Variants in EYS observed in about 807,000 individuals in gnomAD.
The protein encoded by EYS is protein eyes shut homolog.
A neutral mutation model predicts 282.1 loss-of-function variants in EYS; 250 were observed. That is an observed-to-expected ratio of 0.89 (90% CI 0.80 to 0.98). The LOEUF (loss-of-function observed/expected upper bound fraction) is 0.98. EYS is among the 50% of genes least tolerant of loss of function. The pLI, the probability that EYS is intolerant of heterozygous loss-of-function variation, is 0.00. For missense variants in EYS, 4,016 were observed against 3,709.0 expected, an observed-to-expected ratio of 1.08 and a Z score of -2.15; for synonymous variants, 1,355 against 1,282.9, an observed-to-expected ratio of 1.06 and a Z score of -1.20.
At chr6:64,168,216 A>T (rs559847840) in intron 31 of EYS, among the ~76,000 whole-genome samples, 1 of 152,248 alleles carries the variant, frequency 6.6e-6, no homozygotes, top group East Asian at 1.9e-4. Context: ...AGCCAAGATC[A>T]CGCCACTGCA....
At chr6:65,260,093 GGA>G (rs1767581326) in intron 12 of EYS, among the ~76,000 whole-genome samples, 1 of 152,052 alleles carries the variant, frequency 6.6e-6, no homozygotes, top group Admixed American at 6.6e-5. Context: ...AAATCTTGGT[GGA>G]AGGCGAAGGG....
chr6:64,083,393 TCAC>T (rs1429864339), intron 31 of EYS, among the ~76,000 whole-genome samples: 2 of 152,206 alleles, frequency 1.3e-5, no homozygotes. Context: ...CTATCCTCCT[TCAC>T]CAGCCTATCT....
At chr6:65,250,498 G>C (rs1230310746) in intron 12 of EYS, among the ~76,000 whole-genome samples, 2 of 151,950 alleles carry the variant, frequency 1.3e-5, no homozygotes, top group East Asian at 1.9e-4. Flanking sequence ...AGTAGATTTT[G>C]TTCACCAAAA....
At chr6:65,216,447 GC>G (rs1454657044) in intron 12 of EYS, among the ~76,000 whole-genome samples, 1 of 151,806 alleles carries the variant, frequency 6.6e-6, no homozygotes, top group African/African-American at 2.4e-5. Flanking sequence ...CTACTTTATA[GC>G]ATTAATGTAC....
At chr6:64,852,652 C>T (rs536714192) in intron 19 of EYS, among the ~76,000 whole-genome samples, 1 of 152,208 alleles carries the variant, frequency 6.6e-6, no homozygotes, top group Non-Finnish European at 1.5e-5. Flanking sequence ...TAAGATCACT[C>T]ATAAGTCCAT....
At chr6:64,391,097 C>T (rs891628708) in intron 28 of EYS, among the ~76,000 whole-genome samples, 1 of 152,130 alleles carries the variant, frequency 6.6e-6, no homozygotes, top group African/African-American at 2.4e-5. Flanking sequence ...AAGAAAGGAG[C>T]AAAGCCTCCA....
intron 12 of EYS, among the ~76,000 whole-genome samples, chr6:65,135,402 T>C (rs537179989): frequency 6.6e-6 from 1 of 152,114 alleles, no homozygotes; most frequent in Non-Finnish European, 1.5e-5. Flanking sequence ...TTATTTAATA[T>C]GCAAAAACTT....
At chr6:64,783,446 G>A (rs765886852) in intron 22 of EYS, among the ~76,000 whole-genome samples, 41 of 151,754 alleles carry the variant, frequency 2.7e-4, no homozygotes, top group South Asian at 2.7e-3. Flanking sequence ...TGGGGAAGGC[G>A]GAACTACTCT....
intron 30 of EYS, among the ~76,000 whole-genome samples, chr6:64,246,671 C>A (rs2150346253): frequency 6.6e-6 from 1 of 152,224 alleles, no homozygotes; most frequent in Non-Finnish European, 1.5e-5. Flanking sequence ...TGAACACTTA[C>A]CATAGTTCTG....
intron 28 of EYS, among the ~76,000 whole-genome samples, chr6:64,433,054 G>A (rs534858873): frequency 3.6e-4 from 55 of 152,014 alleles, no homozygotes; most frequent in Non-Finnish European, 6.0e-4. Context: ...GGACCATCCT[G>A]CTCTGCAGAA....
intron 13 of EYS, among the ~76,000 whole-genome samples, chr6:65,052,191 C>T (rs943687979): frequency 6.6e-6 from 1 of 151,392 alleles, no homozygotes; most frequent in Non-Finnish European, 1.5e-5. Flanking sequence ...TTCACATACC[C>T]AACCCCATTT....
intron 1 of EYS, among the ~76,000 whole-genome samples, chr6:65,644,911 A>G: frequency 6.6e-6 from 1 of 152,210 alleles, no homozygotes; most frequent in Non-Finnish European, 1.5e-5. Context: ...AACCGCTAAA[A>G]GGAGTGATAA....
At chr6:63,788,625 T>C (rs2149670625) in intron 38 of EYS, among the ~76,000 whole-genome samples, 1 of 152,282 alleles carries the variant, frequency 6.6e-6, no homozygotes, top group East Asian at 1.9e-4. Flanking sequence ...CTCTTCATAG[T>C]TCTTTAGATA....
At position 63,827,860 on chromosome 6, in the gene EYS, A is replaced by ATAAAAAT. The variant is rs1554175888; in HGVS notation, c.7229-21489_7229-21488insATTTTTA. ...AGCAAGACTCCGTCTCAAAAAAAAA[A>ATAAAAAT]AAAAAAAAAAAGAAATTACATCAAG... is the stretch of plus-strand genomic sequence containing the variant. On this transcript the variant is annotated intron_variant, in intron 36 of 42. Coordinates refer to ENST00000503581, the MANE Select transcript of EYS (RefSeq NM_001142800.2). 4.3e-4 allele frequency among the ~76,000 whole-genome samples: 52 copies of ATAAAAAT among 122,202 alleles called. 1 individual carries two copies. The highest frequency in any genetic ancestry group is 4.2e-3 in the East Asian group (16 of 3,830). 80.2% of individuals were successfully genotyped at this position (122,202 alleles called of 152,430 possible). A position where few individuals can be genotyped will look rare whatever the true frequency, so the allele number is the denominator to read the frequency against.
intron 26 of EYS, among the ~76,000 whole-genome samples, chr6:64,451,891 C>T (rs1357623721): frequency 6.6e-6 from 1 of 152,184 alleles, no homozygotes; most frequent in Non-Finnish European, 1.5e-5. Flanking sequence ...GACAAACCCA[C>T]AGCCAATATC....
At chr6:64,448,651 G>A (rs1257683020) in intron 26 of EYS, among the ~76,000 whole-genome samples, 1 of 152,118 alleles carries the variant, frequency 6.6e-6, no homozygotes, top group East Asian at 1.9e-4. Context: ...ACTCCTCTGA[G>A]ACAAAACTTC....
chr6:65,698,923 CA>C (rs1769554199), intron 1 of EYS, among the ~76,000 whole-genome samples: 2 of 152,258 alleles, frequency 1.3e-5, no homozygotes, highest in South Asian at 4.1e-4. Context: ...CTTTTTCCTA[CA>C]ATTACTTTTC....
At chr6:64,947,646 A>AT (rs1214303454) in intron 14 of EYS, among the ~76,000 whole-genome samples, 2 of 134,312 alleles carry the variant, frequency 1.5e-5, no homozygotes, top group African/African-American at 2.8e-5. Context: ...CGTTTGGCTT[A>AT]TTTTTTCTTT....
At position 64,590,821 on chromosome 6, in the gene EYS, A is replaced by T; in HGVS notation, c.5046T>A (p.Asp1682Glu). 6.5e-7 allele frequency: 1 copy of T among 1,550,232 alleles called. No individual in the cohort carries two copies. ...QTISSDLMNS[D>E]LTSKMTTDEL... ...CATCAGTAGTCATTTTTGAAGTCAA[A>T]TCAGAATTCATCAAGTCTGAAGAGA... is the stretch of plus-strand genomic sequence containing the variant. Residue 1682 changes from aspartate (D) to glutamate (E), a missense_variant, in exon 26 of 43, where the codon GAT becomes GAA. By Grantham distance (45) the Asp-to-Glu change is conservative. Coordinates refer to ENST00000503581, the MANE Select transcript of EYS (RefSeq NM_001142800.2).
Sources: allele counts gnomAD v4.1 joint callset (sites outside exome capture counted in the v4.1 genomes callset), GRCh38; gene constraint gnomAD v4.1.1; transcripts MANE v1.5; gene names NCBI Gene and HGNC (gene_info 2026-07-23, HGNC 2026-07-21).